The following CLSTN2 variants were observed in gnomAD, a reference collection of about 807,000 sequenced individuals.
CLSTN2 encodes calsyntenin 2.
Under a neutral mutation model 101.2 loss-of-function variants are expected in CLSTN2, and 48 were observed. The observed-to-expected ratio is 0.47, with a 90% CI of 0.38 to 0.60. CLSTN2 has a LOEUF of 0.60. Ranked by LOEUF, CLSTN2 falls within the 20% of genes least tolerant of loss-of-function variation. The pLI, the probability that CLSTN2 is intolerant of heterozygous loss-of-function variation, is 0.00. For missense variants in CLSTN2, 1,160 were observed against 1,238.2 expected (o/e 0.94, Z 0.95); for synonymous variants, 481 against 463.6 (o/e 1.04, Z -0.48).
chr3:140,178,897 T>C (rs762938746), intron 2 of CLSTN2, among the ~76,000 whole-genome samples: 1 of 152,176 alleles, frequency 6.6e-6, no homozygotes, highest in Non-Finnish European at 1.5e-5. Context: ...TCTTTATTTC[T>C]CATTTAGCCC....
chr3:140,267,435 A>G (rs1342145574), intron 2 of CLSTN2, among the ~76,000 whole-genome samples: 8 of 152,130 alleles, frequency 5.3e-5, no homozygotes, highest in Admixed American at 3.3e-4. Flanking sequence ...GCAAATCCCC[A>G]GGTTTCAGGG....
chr3:140,144,571 G>A (rs951284162), intron 1 of CLSTN2, among the ~76,000 whole-genome samples: 56 of 151,974 alleles, frequency 3.7e-4, no homozygotes, highest in African/African-American at 1.2e-3. Flanking sequence ...AGCCAAGATC[G>A]CGCCACTGCA....
At chr3:140,170,769 C>T (rs1461057789) in intron 1 of CLSTN2, among the ~76,000 whole-genome samples, 1 of 152,316 alleles carries the variant, frequency 6.6e-6, no homozygotes, top group African/African-American at 2.4e-5. Context: ...AATGAAAAAG[C>T]AGCAGCTGTG....
At chr3:140,487,128 TG>T (rs1166614256) in intron 8 of CLSTN2, among the ~76,000 whole-genome samples, 3 of 152,188 alleles carry the variant, frequency 2.0e-5, no homozygotes, top group Non-Finnish European at 4.4e-5. Context: ...TTCAAACTGT[TG>T]ATGATAGTCA....
chr3:140,550,525 T>C (rs1935682040), intron 10 of CLSTN2, among the ~76,000 whole-genome samples: 1 of 151,968 alleles, frequency 6.6e-6, no homozygotes, highest in African/African-American at 2.4e-5. Context: ...CAAAAATCTG[T>C]CTTCCTGATG....
intron 1 of CLSTN2, among the ~76,000 whole-genome samples, chr3:140,016,952 C>G (rs1197501635): frequency 6.6e-6 from 1 of 152,144 alleles, no homozygotes; most frequent in South Asian, 2.1e-4. Context: ...TCAAAAGTTA[C>G]ACACTGATTT....
At chr3:140,118,175 A>G (rs1265130550) in intron 1 of CLSTN2, among the ~76,000 whole-genome samples, 1 of 152,150 alleles carries the variant, frequency 6.6e-6, no homozygotes, top group African/African-American at 2.4e-5. Context: ...CAAGCCAAAG[A>G]GAGAGGCTTC....
intron 1 of CLSTN2, among the ~76,000 whole-genome samples, chr3:140,115,867 A>G (rs547922326): frequency 6.6e-6 from 1 of 152,352 alleles, no homozygotes; most frequent in South Asian, 2.1e-4. Flanking sequence ...AATCCTCTAC[A>G]TAGAAGAGCT....
chr3:140,314,384 T>G (rs1001822734), intron 2 of CLSTN2, among the ~76,000 whole-genome samples: 2 of 152,170 alleles, frequency 1.3e-5, no homozygotes, highest in Non-Finnish European at 2.9e-5. Flanking sequence ...GGTTATCCCC[T>G]TGAGCCCATG....
chr3:140,084,302 G>T (rs2008645438), intron 1 of CLSTN2, among the ~76,000 whole-genome samples: 1 of 152,154 alleles, frequency 6.6e-6, no homozygotes, highest in Non-Finnish European at 1.5e-5. Flanking sequence ...GTGACTATAT[G>T]AAATAAGTAT....
rs528174300 is a variant in CLSTN2, at chr3:140,216,923, A to G, written c.232+40850A>G. Reference sequence around the variant, plus strand: ...CCAGGCTCTGTCATAAATGCCTTACATATACTAACTCATAGTCCTTATAAA... The same window carrying G: ...CCAGGCTCTGTCATAAATGCCTTACGTATACTAACTCATAGTCCTTATAAA... On this transcript the variant is annotated intron_variant, in intron 2 of 16. Coordinates refer to ENST00000458420, the MANE Select transcript of CLSTN2 (RefSeq NM_022131.3). Among the ~76,000 whole-genome samples, 8 of 152,308 alleles carry G rather than the reference A, an allele frequency of 5.3e-5. No homozygotes were observed. In the East Asian group the frequency reaches 1.5e-3, roughly 29 times the overall value.
intron 4 of CLSTN2, among the ~76,000 whole-genome samples, chr3:140,412,025 G>GT (rs1559862101): frequency 6.6e-6 from 1 of 152,066 alleles, no homozygotes; most frequent in African/African-American, 2.4e-5. Flanking sequence ...TTTTGTTTTT[G>GT]TTTTTTGAGA....
chr3:140,090,742 C>A lies in CLSTN2; in HGVS notation c.110-85209C>A, dbSNP rs2008764459. Among the ~76,000 whole-genome samples the A allele has an allele frequency of 2.6e-5, 4 of 152,002 alleles. No homozygotes were observed. In the South Asian group the frequency reaches 8.3e-4, roughly 32 times the overall value. ...GCTGACTGATCCTTGAAGGGTAGGG[C>A]AAACTTAGGGTGAAGTTTCTGAAGT... On this transcript the variant is annotated intron_variant, in intron 1 of 16. Transcript: ENST00000458420.
intron 2 of CLSTN2, among the ~76,000 whole-genome samples, chr3:140,259,764 G>A (rs935715130): frequency 2.6e-5 from 4 of 152,004 alleles, no homozygotes; most frequent in Non-Finnish European, 4.4e-5. Flanking sequence ...CTTTCACTCA[G>A]CATCATAATT....
At chr3:140,112,763 TG>T (rs2009177644) in intron 1 of CLSTN2, among the ~76,000 whole-genome samples, 2 of 152,144 alleles carry the variant, frequency 1.3e-5, no homozygotes, top group South Asian at 4.1e-4. Flanking sequence ...GCAGACAGTC[TG>T]CCCTTTCGAG....
intron 1 of CLSTN2, among the ~76,000 whole-genome samples, chr3:139,989,873 G>T (rs985130718): frequency 1.8e-4 from 27 of 152,174 alleles, no homozygotes; most frequent in African/African-American, 6.5e-4. Flanking sequence ...AATTGAATTA[G>T]CAGATTTGAA....
At chr3:140,044,089 GATGGC>G in intron 1 of CLSTN2, among the ~76,000 whole-genome samples, 1 of 152,144 alleles carries the variant, frequency 6.6e-6, no homozygotes, top group East Asian at 1.9e-4. Context: ...GCTTGATGGG[GATGGC>G]ATTGAATCTA....
intron 1 of CLSTN2, among the ~76,000 whole-genome samples, chr3:139,972,683 T>C (rs1410091354): frequency 3.3e-5 from 5 of 152,168 alleles, no homozygotes; most frequent in Admixed American, 3.3e-4. Flanking sequence ...GTCAAGGACA[T>C]GCATTAATGC....
intron 8 of CLSTN2, among the ~76,000 whole-genome samples, chr3:140,491,396 C>T (rs1374086372): frequency 6.6e-6 from 1 of 152,130 alleles, no homozygotes; most frequent in African/African-American, 2.4e-5. Context: ...CCAGCAATGA[C>T]ATTAGAGAGA....
Sources: allele counts gnomAD v4.1 joint callset (sites outside exome capture counted in the v4.1 genomes callset), GRCh38; gene constraint gnomAD v4.1.1; transcripts MANE v1.5; gene names NCBI Gene and HGNC (gene_info 2026-07-23, HGNC 2026-07-21).